Variants in GALNT12 observed in about 807,000 individuals in gnomAD.
GALNT12 encodes polypeptide N-acetylgalactosaminyltransferase 12.
A neutral mutation model predicts 55.5 loss-of-function variants in GALNT12; 45 were observed. That is an observed-to-expected ratio of 0.81 (90% CI 0.64 to 1.04). GALNT12 has a LOEUF of 1.04. Among genes scored for constraint, GALNT12 ranks in the 50% least tolerant of loss-of-function variants. The pLI, the probability that GALNT12 is intolerant of heterozygous loss-of-function variation, is 0.00. For synonymous variants in GALNT12, 304 were observed against 312.2 expected (o/e 0.97, Z 0.28); for missense variants, 709 against 754.8 (o/e 0.94, Z 0.71).
intron 9 of GALNT12, among the ~76,000 whole-genome samples, chr9:98,846,799 G>A (rs1007382879): frequency 4.2e-5 from 6 of 144,006 alleles, no homozygotes; most frequent in Middle Eastern, 3.7e-3. Context: ...GGAGGTTGCA[G>A]TCAGCCGAAA....
chr9:98,827,418 CT>C (rs1219445104), intron 3 of GALNT12, among the ~76,000 whole-genome samples: 8 of 152,080 alleles, frequency 5.3e-5, no homozygotes, highest in Non-Finnish European at 1.2e-4. Context: ...TCAGGCTGGT[CT>C]CAAACTCCTG....
intron 1 of GALNT12, among the ~76,000 whole-genome samples, chr9:98,822,266 G>A (rs1280092059): frequency 6.6e-6 from 1 of 152,108 alleles, no homozygotes; most frequent in Non-Finnish European, 1.5e-5. Context: ...GTCCCTTCTG[G>A]TATCCCTGTG....
chr9:98,810,222 G>A (rs1362065411), intron 1 of GALNT12, among the ~76,000 whole-genome samples: 4 of 152,084 alleles, frequency 2.6e-5, no homozygotes, highest in African/African-American at 9.7e-5. Flanking sequence ...GGTTCTCTGC[G>A]AGTCTAATAA....
intron 1 of GALNT12, among the ~76,000 whole-genome samples, chr9:98,810,792 C>T (rs964512458): frequency 2.0e-5 from 3 of 152,046 alleles, no homozygotes; most frequent in South Asian, 2.1e-4. Context: ...CCAGTGGATT[C>T]GAGTATAGTT....
intron 7 of GALNT12, among the ~76,000 whole-genome samples, chr9:98,842,068 G>C (rs1564261585): frequency 1.4e-5 from 1 of 72,956 alleles, no homozygotes; most frequent in African/African-American, 4.8e-5. Flanking sequence ...TATCTACTGG[G>C]TTGTTTTTTT....
At chr9:98,808,864 T>A (rs996311734) in intron 1 of GALNT12, among the ~76,000 whole-genome samples, 3 of 152,190 alleles carry the variant, frequency 2.0e-5, no homozygotes, top group Non-Finnish European at 1.5e-5. Flanking sequence ...TCTCACTTTT[T>A]CTTCGAAGTG....
In GALNT12 at chr9:98,835,320, C is replaced by T; in HGVS notation, c.989C>T (p.Thr330Ile). 6.2e-7 allele frequency: 1 copy of T among 1,613,802 alleles called. No homozygotes were observed. Among genetic ancestry groups the T allele is most frequent in the South Asian group, 1.1e-5 (1 of 91,084 alleles). ...TTTGAATATCTGGGGTCTTATGATA[C>T]AGGAATGGAAGTTTGGGGAGGAGAA... is the stretch of plus-strand genomic sequence containing the variant. The part of the protein sequence containing the change: ...KYFEYLGSYD[T>I]GMEVWGGENL... Residue 330 changes from threonine (T) to isoleucine (I), a missense_variant, in exon 5 of 10, where the codon ACA (threonine) becomes ATA (isoleucine). Coordinates refer to ENST00000375011, the MANE Select transcript of GALNT12 (RefSeq NM_024642.5).
chr9:98,834,782 G>A (rs933574295), intron 4 of GALNT12, among the ~76,000 whole-genome samples: 1 of 152,194 alleles, frequency 6.6e-6, no homozygotes, highest in Non-Finnish European at 1.5e-5. Flanking sequence ...TTCTCGGAAC[G>A]TGGTCTCTTG....
intron 1 of GALNT12, 113 bp from the exon 2 acceptor site, chr9:98,823,143 G>T: frequency 1.0e-6 from 1 of 976,210 alleles, no homozygotes; most frequent in African/African-American, 1.6e-5. Context: ...AGATCCTTCA[G>T]TGGATTATGT....
chr9:98,840,428 T>C (rs1156696664), intron 7 of GALNT12, among the ~76,000 whole-genome samples: 2 of 152,248 alleles, frequency 1.3e-5, no homozygotes, highest in Non-Finnish European at 2.9e-5. Context: ...TACCAACGCC[T>C]TATCATATTA....
Position 98,826,822 on chromosome 9 carries a change from G to A in GALNT12, c.612G>A (p.Lys204=), listed in dbSNP as rs758851727. The A allele has an allele frequency of 6.2e-7, 1 of 1,612,212 alleles. No homozygotes were observed. Among genetic ancestry groups the A allele is most frequent in the South Asian group, 1.1e-5 (1 of 90,616 alleles). The change falls in exon 3 of 10, where the codon AAG becomes AAA. Residue 204 remains lysine (K), a synonymous_variant. Transcript: ENST00000375011. ...LPKVRLIRAN[K]REGLVRARLL... is the part of the protein sequence containing the mutation. ...AGGTGCGCCTGATCCGCGCCAACAA[G>A]AGAGAGGGCCTGGTGCGAGCCCGGC...
At chr9:98,836,714 C>G (rs1588453533) in intron 5 of GALNT12, among the ~76,000 whole-genome samples, 1 of 152,156 alleles carries the variant, frequency 6.6e-6, no homozygotes, top group East Asian at 1.9e-4. Context: ...TCCTGTGAGT[C>G]AAGTGCATGA....
chr9:98,837,533 A>G (rs1836184104), intron 6 of GALNT12, among the ~76,000 whole-genome samples: 1 of 152,074 alleles, frequency 6.6e-6, no homozygotes, highest in Non-Finnish European at 1.5e-5. Context: ...TTAACATTGC[A>G]CTCATGGCTA....
At chr9:98,848,422 A>G (rs1836468726) in intron 9 of GALNT12, among the ~76,000 whole-genome samples, 1 of 152,140 alleles carries the variant, frequency 6.6e-6, no homozygotes, top group Non-Finnish European at 1.5e-5. Context: ...AAAGAAGACC[A>G]TCGTCTTTGG....
At position 98,807,670 on chromosome 9, in the gene GALNT12, G is replaced by A. The variant is rs1835402767; in HGVS notation, c.-29G>A. On this transcript the variant is annotated 5_prime_UTR_variant, in exon 1 of 10. Transcript: ENST00000375011. Reference sequence around the variant, plus strand: ...GGCCTCCACCGCCGCCTTGGGGCGCGCAGATCGCTGGCTGCAGTTGGCGGG... The same window carrying A: ...GGCCTCCACCGCCGCCTTGGGGCGCACAGATCGCTGGCTGCAGTTGGCGGG... 9.1e-7 allele frequency: 1 copy of A among 1,103,238 alleles called. No homozygotes were observed. The highest frequency in any genetic ancestry group is 1.1e-6 in the Non-Finnish European group (1 of 907,538). The allele number at this position is 1,103,238 out of a possible 1,614,324, so 68.3% of individuals were successfully genotyped here.
rs1221231285 is a variant in GALNT12, at chr9:98,831,965, G to A, written c.917+8G>A. 1 of 1,611,560 alleles carries A rather than the reference G, an allele frequency of 6.2e-7. No individual in the cohort carries two copies. On this transcript the variant is annotated splice_region_variant and intron_variant, in intron 4 of 9. Coordinates refer to ENST00000375011, the MANE Select transcript of GALNT12 (RefSeq NM_024642.5). ...CCCCGTCGATGTCATCAGGTCAGGAGCTGACTTCTGGGTGACTTGTTTTTT... is the reference window on the plus strand; with the variant it reads ...CCCCGTCGATGTCATCAGGTCAGGAACTGACTTCTGGGTGACTTGTTTTTT...
At chr9:98,839,961 A>T in intron 6 of GALNT12, 41 bp from the exon 7 acceptor site, 1 of 1,613,412 alleles carries the variant, frequency 6.2e-7, no homozygotes, top group Non-Finnish European at 8.5e-7. Context: ...GAAAGGAAGC[A>T]CTAGGACCCA....
chr9:98,828,395 T>C (rs560679594), intron 3 of GALNT12, among the ~76,000 whole-genome samples: 2 of 152,346 alleles, frequency 1.3e-5, no homozygotes, highest in East Asian at 1.9e-4. Context: ...AGCACAGTTA[T>C]GGCCGAGTGC....
In GALNT12 at chr9:98,823,240, TC is replaced by T; in HGVS notation, c.372-14del. 6.2e-7 allele frequency: 1 copy of T among 1,613,794 alleles called. No homozygotes were observed. On this transcript the variant is annotated splice_polypyrimidine_tract_variant and intron_variant, in intron 1 of 9. Transcript: ENST00000375011. ...GGGCTAGATCCTGAGTTCCTGAAGT[TC>T]CGCTGTATTTGCAGGTGCAAAGAGA...
Sources: allele counts gnomAD v4.1 joint callset (sites outside exome capture counted in the v4.1 genomes callset), GRCh38; gene constraint gnomAD v4.1.1; transcripts MANE v1.5; gene names NCBI Gene and HGNC (gene_info 2026-07-23, HGNC 2026-07-21).